The following UGT1A10 variants were observed in gnomAD, a reference collection of about 807,000 sequenced individuals.
UGT1A10 encodes UDP glucuronosyltransferase family 1 member A10.
A neutral mutation model predicts 45.8 loss-of-function variants in UGT1A10; 49 were observed. The observed-to-expected ratio is 1.07, with a 90% CI of 0.85 to 1.36. The LOEUF is 1.36. UGT1A10 is among the 40% of genes most tolerant of loss of function. UGT1A10 has a pLI of 0.00. For synonymous variants in UGT1A10, 284 were observed against 249.7 expected, an observed-to-expected ratio of 1.14 and a Z score of -1.29; for missense variants, 745 against 668.6, an observed-to-expected ratio of 1.11 and a Z score of -1.26.
At chr2:233,671,756 A>G in intron 1 of UGT1A10, 1 of 1,326,014 alleles carries the variant, frequency 7.5e-7, no homozygotes, top group Non-Finnish European at 9.8e-7. Context: ...TATCTCAGCA[A>G]AAGCTACTCA....
At chr2:233,680,914 A>G (rs12474215) in intron 1 of UGT1A10, among the ~76,000 whole-genome samples, 1 of 151,884 alleles carries the variant, frequency 6.6e-6, no homozygotes, top group Non-Finnish European at 1.5e-5. Flanking sequence ...AATGTATCTG[A>G]GGAAAGCCAT....
At chr2:233,662,567 C>T (rs1383431113) in intron 1 of UGT1A10, among the ~76,000 whole-genome samples, 3 of 152,164 alleles carry the variant, frequency 2.0e-5, no homozygotes, top group Non-Finnish European at 4.4e-5. Context: ...CATAGATGAT[C>T]ATGTTGACTG....
In UGT1A10 at chr2:233,636,528, T is replaced by C; in HGVS notation, c.6T>C (p.Ala2=). 6.2e-7 allele frequency: 1 copy of C among 1,612,218 alleles called. No individual in the cohort carries two copies. The highest frequency in any genetic ancestry group is 8.5e-7 in the Non-Finnish European group (1 of 1,178,808). The change falls in exon 1 of 5, where the codon GCT becomes GCC. Residue 2 remains alanine, a synonymous_variant. Transcript: ENST00000344644. ...GCTCGGGCTGCAGTTCTCTCATGGCTCGCGCAGGGTGGACCAGCCCCGTTC... is the reference window on the plus strand; with the variant it reads ...GCTCGGGCTGCAGTTCTCTCATGGCCCGCGCAGGGTGGACCAGCCCCGTTC... M[A]RAGWTSPVPL...
intron 1 of UGT1A10, among the ~76,000 whole-genome samples, chr2:233,725,008 C>T (rs1479605569): frequency 5.4e-5 from 8 of 148,164 alleles, no homozygotes; most frequent in African/African-American, 2.0e-4. Context: ...ACCGGCCCGG[C>T]CAAACAGCAA....
In UGT1A10 at chr2:233,769,373, C is replaced by T. The variant is rs1030548501; in HGVS notation, c.1295+934C>T. On this transcript the variant is annotated intron_variant, in intron 4 of 4. Coordinates refer to ENST00000344644, the MANE Select transcript of UGT1A10 (RefSeq NM_019075.4). The surrounding 1 kb of genome is among the most constrained non-coding windows in gnomAD (Gnocchi z 4.4). The stretch of plus-strand genomic sequence containing the variant: ...AGAAGTGGTGGCCAGTGGTAGATTT[C>T]ATCCGACAATAGATACTGTGTGCAT... Among the ~76,000 whole-genome samples, 1 of 152,206 alleles carries T rather than the reference C, an allele frequency of 6.6e-6. No individual in the cohort carries two copies. The highest frequency in any genetic ancestry group is 2.4e-5 in the African/African-American group (1 of 41,452).
chr2:233,687,759 A>C (rs1014972219), intron 1 of UGT1A10, among the ~76,000 whole-genome samples: 1 of 152,052 alleles, frequency 6.6e-6, no homozygotes, highest in African/African-American at 2.4e-5. Context: ...TTTAAAAATT[A>C]GCTGGGCCTG....
intron 1 of UGT1A10, among the ~76,000 whole-genome samples, chr2:233,710,471 G>A (rs963100738): frequency 2.6e-5 from 4 of 152,226 alleles, no homozygotes. Flanking sequence ...TGGGTGTGTA[G>A]TAGAATTTCA....
chr2:233,734,900 C>G (rs1027588472), intron 1 of UGT1A10, among the ~76,000 whole-genome samples: 1 of 152,158 alleles, frequency 6.6e-6, no homozygotes, highest in Non-Finnish European at 1.5e-5. Flanking sequence ...GATTTCTATT[C>G]TTTTACATTT....
intron 1 of UGT1A10, chr2:233,729,501 T>C (rs142329877): frequency 1.3e-5 from 21 of 1,614,102 alleles, no homozygotes; most frequent in Non-Finnish European, 1.7e-5. Flanking sequence ...TGGTCTATCA[T>C]AGGTCTTGTG....
At chr2:233,648,018 G>A in intron 1 of UGT1A10, 1 of 1,602,236 alleles carries the variant, frequency 6.2e-7, no homozygotes, top group Non-Finnish European at 8.5e-7. Context: ...TCAGGCCAGA[G>A]GTGAGTTGGC....
chr2:233,772,292 C>A lies in UGT1A10; in HGVS notation c.1326C>A (p.Ser442Arg), dbSNP rs778015980. 2 of 1,614,246 alleles carry A rather than the reference C, an allele frequency of 1.2e-6. No homozygotes were observed. Among genetic ancestry groups the A allele is most frequent in the Admixed American group, 3.3e-5 (2 of 60,030 alleles). Residue 442 changes from serine (S) to arginine (R), a missense_variant, in exon 5 of 5, where the codon AGC becomes AGA. By Grantham distance (110) the Ser-to-Arg change is moderately radical (BLOSUM62 -1). Coordinates refer to ENST00000344644, the MANE Select transcript of UGT1A10 (RefSeq NM_019075.4). ...SYKENIMRLSSLHKDRPVEPL... is the reference protein window; with the variant it reads ...SYKENIMRLSRLHKDRPVEPL... ...AGGAGAACATCATGCGCCTCTCCAG[C>A]CTTCACAAGGACCGCCCGGTGGAGC... is the stretch of plus-strand genomic sequence containing the variant.
chr2:233,693,569 G>C, intron 1 of UGT1A10: 1 of 1,614,200 alleles, frequency 6.2e-7, no homozygotes, highest in Non-Finnish European at 8.5e-7. Context: ...CCCAGACCCT[G>C]TGTCCTACAT....
chr2:233,674,089 A>G (rs996828384), intron 1 of UGT1A10, among the ~76,000 whole-genome samples: 1 of 151,412 alleles, frequency 6.6e-6, no homozygotes, highest in Admixed American at 6.6e-5. Flanking sequence ...TCAGTATATT[A>G]TTTTGGAGGG....
intron 1 of UGT1A10, chr2:233,729,168 A>G (rs746194501): frequency 1.2e-6 from 2 of 1,613,726 alleles, no homozygotes; most frequent in Admixed American, 1.7e-5. Context: ...GGCTGGCCAC[A>G]GGACTGCTGC....
chr2:233,684,988 G>A (rs1391588094), intron 1 of UGT1A10, among the ~76,000 whole-genome samples: 1 of 152,172 alleles, frequency 6.6e-6, no homozygotes. Context: ...GATGCAGTGT[G>A]TGTGTATGTG....
chr2:233,652,577 T>A (rs1157598636), intron 1 of UGT1A10, among the ~76,000 whole-genome samples: 1 of 152,204 alleles, frequency 6.6e-6, no homozygotes, highest in Non-Finnish European at 1.5e-5. Context: ...GTCTCACTCA[T>A]AATGCATAAT....
intron 1 of UGT1A10, among the ~76,000 whole-genome samples, chr2:233,669,120 G>A (rs1559332415): frequency 6.6e-6 from 1 of 152,186 alleles, no homozygotes; most frequent in Non-Finnish European, 1.5e-5. Flanking sequence ...AGAATTGCCT[G>A]TGCACCTTTG....
rs1042595424 is a variant in UGT1A10 at position 233,772,592 on chromosome 2, C to T, written c.*33C>T. On this transcript the variant is annotated 3_prime_UTR_variant, in exon 5 of 5. Transcript: ENST00000344644. ...GTGGGAAATAAGGTAAAATTTTGAA[C>T]CATTCCCTAGTCATTTCCAAACTTG... The T allele has an allele frequency of 7.5e-6, 12 of 1,599,668 alleles. No homozygotes were observed. The highest frequency in any genetic ancestry group is 1.3e-5 in the African/African-American group (1 of 74,558).
chr2:233,721,912 C>T (rs2125685075), intron 1 of UGT1A10: 6 of 427,588 alleles, frequency 1.4e-5, no homozygotes, highest in Middle Eastern at 5.8e-4. Context: ...GTGCACACTG[C>T]TTCCATAAAG....
Sources: allele counts gnomAD v4.1 joint callset (sites outside exome capture counted in the v4.1 genomes callset), GRCh38; gene constraint gnomAD v4.1.1; non-coding constraint Gnocchi (gnomAD v3.1); transcripts MANE v1.5; gene names NCBI Gene and HGNC (gene_info 2026-07-23, HGNC 2026-07-21).